The following MYO1H variants were observed in gnomAD, a reference collection of about 807,000 sequenced individuals.
MYO1H encodes unconventional myosin-Ih.
A neutral mutation model predicts 149.3 loss-of-function variants in MYO1H; 118 were observed. That is an observed-to-expected ratio of 0.79 (90% confidence interval 0.68 to 0.92). The LOEUF is 0.92. Ranked by LOEUF, MYO1H falls within the 40% of genes least tolerant of loss-of-function variation. The pLI is 0.00. For missense variants in MYO1H, 1,212 were observed against 1,280.7 expected (o/e 0.95, Z 0.82); for synonymous variants, 447 against 465.2 (o/e 0.96, Z 0.50).
chr12:109,397,871 C>T, intron 5 of MYO1H, 59 bp downstream of exon 5: 2 of 1,384,648 alleles, frequency 1.4e-6, no homozygotes, highest in Non-Finnish European at 9.8e-7. Context: ...AGTGACGGAA[C>T]CCAAGCCAAG....
At chr12:109,349,979 A>AGT (rs1566016246) in intron 1 of MYO1H, among the ~76,000 whole-genome samples, 1,774 of 144,812 alleles carry the variant, frequency 0.012, 46 homozygotes, top group African/African-American at 0.043. Context: ...AAAAAAGTTA[A>AGT]TATTATTATT....
the MYO1H span, among the ~76,000 whole-genome samples, chr12:109,320,986 G>C: frequency 2.0e-5 from 3 of 151,998 alleles, no homozygotes; most frequent in African/African-American, 7.3e-5. Context: ...TACTTGGGAG[G>C]CTGAGGCAGG....
At chr12:109,431,254 C>G (rs530587668) in intron 19 of MYO1H, among the ~76,000 whole-genome samples, 2 of 149,504 alleles carry the variant, frequency 1.3e-5, no homozygotes, top group Non-Finnish European at 3.0e-5. Flanking sequence ...GTGGCGGGCA[C>G]CTGTAGTCCC....
the MYO1H span, among the ~76,000 whole-genome samples, chr12:109,338,634 G>A: frequency 2.6e-5 from 4 of 151,946 alleles, no homozygotes; most frequent in East Asian, 7.8e-4. Flanking sequence ...CAGGTGTGAT[G>A]GCACGCGCCT....
At chr12:109,439,531 TCTACCAC>T in intron 23 of MYO1H, 93 bp from the exon 24 acceptor site, 1 of 852,350 alleles carries the variant, frequency 1.2e-6, no homozygotes, top group Middle Eastern at 3.4e-4. Context: ...CTCCACAGCC[TCTACCAC>T]TTTGGCCGCC....
chr12:109,428,755 T>A, intron 19 of MYO1H, among the ~76,000 whole-genome samples: 1 of 152,128 alleles, frequency 6.6e-6, no homozygotes, highest in African/African-American at 2.4e-5. Flanking sequence ...ATCCCAAATC[T>A]GACTTCTGCG....
At chr12:109,373,454 T>C (rs1869027158) in intron 1 of MYO1H, among the ~76,000 whole-genome samples, 1 of 152,248 alleles carries the variant, frequency 6.6e-6, no homozygotes, top group South Asian at 2.1e-4. Context: ...CTTAGATGTA[T>C]AATTTTTCAC....
chr12:109,381,780 C>T (rs1468047910), intron 1 of MYO1H, among the ~76,000 whole-genome samples: 1 of 152,092 alleles, frequency 6.6e-6, no homozygotes, highest in Non-Finnish European at 1.5e-5. Flanking sequence ...GAGTCAATAT[C>T]GCACCACTGC....
At chr12:109,412,644 C>T (rs144333783) in intron 14 of MYO1H, among the ~76,000 whole-genome samples, 6 of 151,990 alleles carry the variant, frequency 3.9e-5, no homozygotes, top group Admixed American at 1.3e-4. Context: ...AACCACCATG[C>T]GGATCAGATA....
intron 7 of MYO1H, 52 bp downstream of exon 7, chr12:109,404,132 T>G: frequency 1.5e-6 from 2 of 1,365,944 alleles, no homozygotes; most frequent in Non-Finnish European, 2.1e-6. Flanking sequence ...TGAGGAAACA[T>G]TCCTAATTTC....
chr12:109,354,677 A>G (rs1868547650), intron 1 of MYO1H, among the ~76,000 whole-genome samples: 1 of 151,912 alleles, frequency 6.6e-6, no homozygotes, highest in South Asian at 2.1e-4. Flanking sequence ...GGGTTACCAC[A>G]TGCCCAGGAT....
intron 1 of MYO1H, among the ~76,000 whole-genome samples, chr12:109,354,861 C>G (rs1293260185): frequency 6.6e-6 from 1 of 152,176 alleles, no homozygotes; most frequent in Admixed American, 6.5e-5. Flanking sequence ...GTTTCAGTGT[C>G]TGCCTAGCCT....
chr12:109,387,935 G>T (rs1054996181), intron 1 of MYO1H, among the ~76,000 whole-genome samples: 9 of 152,184 alleles, frequency 5.9e-5, no homozygotes, highest in African/African-American at 1.7e-4. Flanking sequence ...CCTGGTGCCT[G>T]CCCAGTGACC....
At chr12:109,390,511 A>G (rs1869599264) in intron 2 of MYO1H, among the ~76,000 whole-genome samples, 1 of 152,044 alleles carries the variant, frequency 6.6e-6, no homozygotes, top group East Asian at 1.9e-4. Context: ...AGCCTATGTT[A>G]GTGGTTATAT....
chr12:109,358,844 G>GT (rs1868669133), intron 1 of MYO1H, among the ~76,000 whole-genome samples: 1 of 72,846 alleles, frequency 1.4e-5, no homozygotes, highest in African/African-American at 8.1e-5. Flanking sequence ...ATCCTGTGGT[G>GT]TTAAAAAAAA....
chr12:109,344,872 G>A (rs1048318305), upstream of MYO1H, among the ~76,000 whole-genome samples: 73 of 152,246 alleles, frequency 4.8e-4, no homozygotes, highest in African/African-American at 1.7e-3. Flanking sequence ...ATGACTCAAT[G>A]GGGGAAAGAA....
intron 28 of MYO1H, 128 bp downstream of exon 28, chr12:109,443,777 C>G: frequency 2.1e-6 from 2 of 967,206 alleles, no homozygotes; most frequent in Non-Finnish European, 3.1e-6. Flanking sequence ...GTGATGCACA[C>G]CTGTAGTCTC....
chr12:109,330,523 C>T, the MYO1H span, among the ~76,000 whole-genome samples: 1 of 152,146 alleles, frequency 6.6e-6, no homozygotes, highest in African/African-American at 2.4e-5. Context: ...GTAAGGGCTT[C>T]GTAAGCTTGA....
chr12:109,383,072 C>T (rs1869237973), intron 1 of MYO1H, among the ~76,000 whole-genome samples: 1 of 152,102 alleles, frequency 6.6e-6, no homozygotes, highest in African/African-American at 2.4e-5. Context: ...CTGCCCTAAG[C>T]TTTCCCCAGA....
Sources: allele counts gnomAD v4.1 joint callset (sites outside exome capture counted in the v4.1 genomes callset), GRCh38; gene constraint gnomAD v4.1.1; transcripts MANE v1.5; gene names NCBI Gene and HGNC (gene_info 2026-07-23, HGNC 2026-07-21).